PPHLN1: variants seen among roughly 807,000 people sequenced by gnomAD.
PPHLN1 encodes periphilin-1.
PPHLN1 carries 29 observed loss-of-function variants against 51.3 expected under a neutral mutation model. That is an observed-to-expected ratio of 0.57 (90% CI 0.42 to 0.77). The LOEUF (loss-of-function observed/expected upper bound fraction) is 0.77, where lower values mean the gene tolerates loss of function less well. PPHLN1 is among the 30% of genes least tolerant of loss of function. The pLI is 0.00. For synonymous variants in PPHLN1, 147 were observed against 147.8 expected (o/e 0.99, Z 0.04); for missense variants, 436 against 438.4 (o/e 0.99, Z 0.05).
intron 4 of PPHLN1, among the ~76,000 whole-genome samples, chr12:42,367,035 T>C (rs1214035456): frequency 2.6e-5 from 4 of 152,214 alleles, no homozygotes; most frequent in African/African-American, 9.6e-5. Flanking sequence ...TTTCACAAAA[T>C]GTTGCAGAAT....
At chr12:42,371,072 G>T (rs952811910) in intron 4 of PPHLN1, among the ~76,000 whole-genome samples, 3 of 149,004 alleles carry the variant, frequency 2.0e-5, no homozygotes, top group African/African-American at 2.5e-5. Context: ...CTCCCAAAGT[G>T]CTGGGATTAC....
intron 1 of PPHLN1, chr12:42,332,651 C>T (rs1322475514): frequency 1.9e-6 from 3 of 1,567,618 alleles, no homozygotes; most frequent in Non-Finnish European, 2.6e-6. Flanking sequence ...GTATTTCCCC[C>T]CCTTACAGGA....
Position 42,335,909 on chromosome 12 carries a change from T to C in PPHLN1, c.7T>C (p.Ser3Pro). ...GGCTTACAGAAGAGACGAAATGTGG[T>C]CTGAGGGACGATATGAATATGAAAG... MW[S>P]EGRYEYERIP... Residue 3 changes from serine (S) to proline (P), a missense_variant, in exon 2 of 10, where the codon TCT (serine) becomes CCT (proline). Coordinates refer to ENST00000358314, the MANE Select transcript of PPHLN1 (RefSeq NM_201439.2). 1 of 1,584,476 alleles carries C rather than the reference T, an allele frequency of 6.3e-7. No homozygotes were observed. The highest frequency in any genetic ancestry group is 2.3e-5 in the East Asian group (1 of 43,440).
intron 1 of PPHLN1, among the ~76,000 whole-genome samples, chr12:42,333,583 T>C (rs567016258): frequency 4.3e-4 from 65 of 151,970 alleles, no homozygotes; most frequent in African/African-American, 1.4e-3. Context: ...CCCGGGTTCA[T>C]GCCATTCTCC....
intron 4 of PPHLN1, 125 bp downstream of exon 4, chr12:42,355,347 A>G: frequency 1.3e-6 from 1 of 787,572 alleles, no homozygotes; most frequent in Non-Finnish European, 2.1e-6. Context: ...TTTGAAAGCA[A>G]CAAGCATTAT....
At chr12:42,333,689 A>G (rs1486812992) in intron 1 of PPHLN1, among the ~76,000 whole-genome samples, 3 of 152,146 alleles carry the variant, frequency 2.0e-5, no homozygotes, top group Middle Eastern at 3.4e-3. Context: ...TCACTGTGTT[A>G]GCCAGGATGG....
chr12:42,355,873 T>G (rs1011090135), intron 4 of PPHLN1, among the ~76,000 whole-genome samples: 1 of 152,186 alleles, frequency 6.6e-6, no homozygotes, highest in Non-Finnish European at 1.5e-5. Context: ...TTTGCTTAAT[T>G]AGAAAGTAAG....
At chr12:42,376,476 G>A (rs1017252539) in intron 5 of PPHLN1, among the ~76,000 whole-genome samples, 27 of 152,096 alleles carry the variant, frequency 1.8e-4, no homozygotes, top group African/African-American at 6.3e-4. Context: ...GAGATAAGAA[G>A]GTTATTTTAA....
rs936575669 is a variant in PPHLN1 at position 42,342,137 on chromosome 12, T to G, written c.72+6163T>G. On this transcript the variant is annotated intron_variant, in intron 2 of 9. Coordinates refer to ENST00000358314, the MANE Select transcript of PPHLN1 (RefSeq NM_201439.2). ...CTTCTAGGTACCTGTAAAGCTCTTG[T>G]TTTTAAAGCATGCTTTCTGTCTTTA... 3.6e-4 allele frequency among the ~76,000 whole-genome samples: 55 copies of G among 152,348 alleles called. 1 individual carries two copies. The highest frequency in any genetic ancestry group is 2.7e-3 in the Admixed American group (42 of 15,312).
rs541229610 is a variant in PPHLN1, at chr12:42,388,478, T to C, written c.648+943T>C. Among the ~76,000 whole-genome samples, 143 of 152,284 alleles carry C rather than the reference T, an allele frequency of 9.4e-4. 1 individual carries two copies. Among genetic ancestry groups the C allele is most frequent in the Non-Finnish European group, 1.5e-3 (99 of 68,002 alleles). ...TGTTTTCTTGCTGACCTTCTCCCTA[T>C]TATCACCCTGCTCTCCTACTGCATT... On this transcript the variant is annotated intron_variant, in intron 7 of 9. Coordinates refer to ENST00000358314, the MANE Select transcript of PPHLN1 (RefSeq NM_201439.2).
rs564098206 is a variant in PPHLN1 at position 42,334,395 on chromosome 12, A to G, written c.-20-1488A>G. On this transcript the variant is annotated intron_variant, in intron 1 of 9. Transcript: ENST00000358314. ...ATTATATTGGGTCTGTTTGTATTAG[A>G]AAATATTATAGTTGTGTTTTTGCAG... 8.5e-4 allele frequency among the ~76,000 whole-genome samples: 130 copies of G among 152,306 alleles called. 1 individual carries two copies. In the South Asian group the frequency reaches 0.026, roughly 31 times the overall value.
At chr12:42,401,320 A>T (rs2078825282) in intron 9 of PPHLN1, among the ~76,000 whole-genome samples, 1 of 152,234 alleles carries the variant, frequency 6.6e-6, no homozygotes, top group Non-Finnish European at 1.5e-5. Flanking sequence ...ATGAGAAAAG[A>T]ACAAGTACCA....
downstream of PPHLN1, chr12:42,446,888 T>C: frequency 2.5e-6 from 1 of 403,474 alleles, no homozygotes; most frequent in East Asian, 3.5e-5. Context: ...CTAGATAAGT[T>C]TGTTTACTTA....
rs372027675 is a variant in PPHLN1 at position 42,330,480 on chromosome 12, C to T, written c.-21+4251C>T. ...CTGGGTAGAGGTCCCTGCAGCTTTC[C>T]GCAGGGCATTGTGCCCCTGGTTAAT... On this transcript the variant is annotated intron_variant, in intron 1 of 9. Transcript: ENST00000358314. Among the ~76,000 whole-genome samples the T allele has an allele frequency of 1.8e-4, 28 of 152,262 alleles. No homozygotes were observed. The East Asian group carries it at 2.1e-3, about 12-fold the overall frequency.
At chr12:42,329,697 G>T (rs891347526) in intron 1 of PPHLN1, 3 of 152,122 alleles carry the variant, frequency 2.0e-5, no homozygotes, top group Non-Finnish European at 4.4e-5. Context: ...ATTAAAGATA[G>T]CACGATTGGG....
At chr12:42,445,182 G>T, downstream of PPHLN1, 1 of 699,624 alleles carries the variant, frequency 1.4e-6, no homozygotes, top group South Asian at 1.5e-5. Context: ...CTCACTGCCT[G>T]ACCCACTGGC....
intron 9 of PPHLN1, among the ~76,000 whole-genome samples, chr12:42,428,553 G>C (rs2081712779): frequency 6.6e-6 from 1 of 152,122 alleles, no homozygotes; most frequent in Non-Finnish European, 1.5e-5. Context: ...CTCATATGTG[G>C]GAGCTAAGCT....
chr12:42,430,948 T>G (rs141542424), intron 9 of PPHLN1, among the ~76,000 whole-genome samples: 1 of 152,256 alleles, frequency 6.6e-6, no homozygotes, highest in East Asian at 1.9e-4. Context: ...AGAATAAGCC[T>G]TCTGGAAATT....
intron 8 of PPHLN1, among the ~76,000 whole-genome samples, chr12:42,394,111 C>A (rs1371645910): frequency 6.6e-6 from 1 of 151,874 alleles, no homozygotes; most frequent in Non-Finnish European, 1.5e-5. Flanking sequence ...TCATAAATAT[C>A]CCAAGAAATA....
Sources: gnomAD v4.1 joint callset for allele counts (sites outside exome capture counted in the v4.1 genomes callset) on GRCh38, gnomAD v4.1.1 for gene constraint, MANE v1.5 for transcripts, NCBI Gene and HGNC (gene_info 2026-07-23, HGNC 2026-07-21) for gene names.